The following KIF21A variants were observed in gnomAD, a reference collection of about 807,000 sequenced individuals.
KIF21A encodes kinesin family member 21A.
In KIF21A, 114 loss-of-function variants were observed where a neutral mutation model predicts 202.9. The observed-to-expected ratio is 0.56, with a 90% confidence interval of 0.48 to 0.66. The LOEUF is 0.66. KIF21A is among the 30% of genes least tolerant of loss of function. The probability of loss-of-function intolerance (pLI) is 0.00; values close to 1 mark genes in which losing one functional copy is unlikely to be tolerated. For synonymous variants in KIF21A, 667 were observed against 670.8 expected (o/e 0.99, Z 0.09); for missense variants, 1,677 against 1,994.9 (o/e 0.84, Z 3.04).
At chr12:39,330,303 C>T (rs1417893570) in intron 23 of KIF21A, 41 bp from the exon 24 acceptor site, 28 of 1,577,134 alleles carry the variant, frequency 1.8e-5, no homozygotes, top group African/African-American at 2.7e-5. Flanking sequence ...AAGCAATACT[C>T]CAATCAAAAC....
In KIF21A at chr12:39,307,685, G is replaced by A. The variant is rs772735255; in HGVS notation, c.4322C>T (p.Thr1441Ile). Residue 1441 changes from threonine (T) to isoleucine (I), a missense_variant, in exon 34 of 38, where the codon ACC becomes ATC. By Grantham distance (89) the Thr-to-Ile change is moderately conservative. Coordinates refer to ENST00000361418, the MANE Select transcript of KIF21A (RefSeq NM_001173464.2). The part of the protein sequence containing the change: ...VTLGDACSAS[T>I]SRTVAIPSGE... ...AGAAGGAATAGCTACTGTTCGACTG[G>A]TACTTGCAGAACAAGCATCTCCAAG... 3 of 1,614,050 alleles carry A rather than the reference G, an allele frequency of 1.9e-6. No homozygotes were observed. The South Asian group carries it at 3.3e-5, about 18-fold the overall frequency.
chr12:39,378,709 G>A (rs556193025), intron 1 of KIF21A, among the ~76,000 whole-genome samples: 1 of 152,216 alleles, frequency 6.6e-6, no homozygotes, highest in African/African-American at 2.4e-5. Flanking sequence ...AGTGTGTAAG[G>A]CAAAAAATGT....
chr12:39,338,389 A>G lies in KIF21A; in HGVS notation c.2311-1186T>C, dbSNP rs376660075. On this transcript the variant is annotated intron_variant, in intron 16 of 37. Transcript: ENST00000361418. ...GAGTCAAAAAGTTTTTTAACTTAAA[A>G]TATTTATAAAATAAAAAAAATTACA... is the stretch of plus-strand genomic sequence containing the variant. Among the ~76,000 whole-genome samples, 36 of 152,340 alleles carry G rather than the reference A, an allele frequency of 2.4e-4. No individual in the cohort carries two copies. In the East Asian group the frequency reaches 3.5e-3, roughly 15 times the overall value.
chr12:39,423,082 T>TC (rs1954434768), intron 1 of KIF21A, among the ~76,000 whole-genome samples: 1 of 152,228 alleles, frequency 6.6e-6, no homozygotes, highest in South Asian at 2.1e-4. Flanking sequence ...CAGTTTTGCT[T>TC]CCGGCAAATA....
Position 39,309,681 on chromosome 12 carries a change from T to A in KIF21A, c.4182A>T (p.Lys1394Asn). The change falls in exon 33 of 38, where the codon AAA becomes AAT. Residue 1394 changes from lysine to asparagine, a missense_variant. Lys to Asn is a moderately conservative substitution (Grantham distance 94). This residue lies in a region of KIF21A where 705 missense variants were observed against 791.9 expected (regional missense o/e 0.89). Transcript: ENST00000361418. ...AGACCAAACTGGTATAATTACAGTA[T>A]TTTACAGACACGACATTGTTGGGAT... is the stretch of plus-strand genomic sequence containing the variant. ...GGHPNNVVSV[K>N]YCNYTSLVFT... 6.2e-7 allele frequency: 1 copy of A among 1,613,478 alleles called. No individual in the cohort carries two copies. The highest frequency in any genetic ancestry group is 8.5e-7 in the Non-Finnish European group (1 of 1,179,648).
rs1555169492 is a variant in KIF21A, at chr12:39,346,815, C to CA, written c.1674-312_1674-311insT. Among the ~76,000 whole-genome samples, 3 of 151,316 alleles carry CA rather than the reference C, an allele frequency of 2.0e-5. No individual in the cohort carries two copies. In the East Asian group the frequency reaches 5.8e-4, roughly 29 times the overall value. On this transcript the variant is annotated intron_variant, in intron 11 of 37. Transcript: ENST00000361418. ...ATAAGGATTAGGCATGCTTGGATGC[C>CA]TTTTTTTTAGTCTGAAGTGGGTCAA...
chr12:39,416,815 G>A (rs11172081), intron 1 of KIF21A, among the ~76,000 whole-genome samples: 16,200 of 93,436 alleles, frequency 0.17, 3,455 homozygotes, highest in African/African-American at 0.49. Flanking sequence ...ATATATGTGT[G>A]TATATATGTA....
At chr12:39,430,355 C>T (rs2140341579) in intron 1 of KIF21A, among the ~76,000 whole-genome samples, 1 of 152,060 alleles carries the variant, frequency 6.6e-6, no homozygotes, top group African/African-American at 2.4e-5. Flanking sequence ...CACCTGAGGT[C>T]AAGAGTTCAA....
chr12:39,408,601 T>C (rs562358838), intron 1 of KIF21A, among the ~76,000 whole-genome samples: 2 of 152,174 alleles, frequency 1.3e-5, no homozygotes, highest in Non-Finnish European at 2.9e-5. Flanking sequence ...CAGGAACTCA[T>C]TGAATAGGTT....
At chr12:39,300,336 C>T (rs1942851435) in intron 37 of KIF21A, among the ~76,000 whole-genome samples, 1 of 151,996 alleles carries the variant, frequency 6.6e-6, no homozygotes, top group South Asian at 2.1e-4. Context: ...AGTAATGCAT[C>T]TTGGAAATAG....
At chr12:39,381,027 C>T (rs561692914) in intron 1 of KIF21A, among the ~76,000 whole-genome samples, 3 of 151,990 alleles carry the variant, frequency 2.0e-5, no homozygotes, top group South Asian at 2.1e-4. Context: ...ATTTCATGGC[C>T]GGGCATGGTG....
chr12:39,332,884 T>A lies in KIF21A; in HGVS notation c.2702+9A>T, dbSNP rs896583369. On this transcript the variant is annotated intron_variant, in intron 19 of 37. Transcript: ENST00000361418. ...AAGATTACATCAGCAGGAACAGAAT[T>A]ATGTAGACCTGTTTCCATTTGTTGC... The A allele has an allele frequency of 6.2e-7, 1 of 1,612,640 alleles. No individual in the cohort carries two copies. The highest frequency in any genetic ancestry group is 1.3e-5 in the African/African-American group (1 of 74,878).
intron 1 of KIF21A, among the ~76,000 whole-genome samples, chr12:39,374,660 T>TA (rs550136502): frequency 2.6e-3 from 391 of 151,952 alleles, no homozygotes; most frequent in African/African-American, 9.0e-3. Context: ...CTACACTAGG[T>TA]AAAAAAAAGA....
At chr12:39,398,532 T>C (rs113199185) in intron 1 of KIF21A, among the ~76,000 whole-genome samples, 1 of 151,814 alleles carries the variant, frequency 6.6e-6, no homozygotes, top group African/African-American at 2.4e-5. Context: ...GGCTAGGAGA[T>C]CAAAAAGGAG....
chr12:39,401,194 C>T (rs1952149236), intron 1 of KIF21A, among the ~76,000 whole-genome samples: 1 of 151,764 alleles, frequency 6.6e-6, no homozygotes, highest in African/African-American at 2.4e-5. Context: ...CTCTAGGAAC[C>T]AAAAGGAAAT....
rs372043568 is a variant in KIF21A at position 39,302,619 on chromosome 12, C to T, written c.4731+346G>A. Among the ~76,000 whole-genome samples, 11 of 152,146 alleles carry T rather than the reference C, an allele frequency of 7.2e-5. No homozygotes were observed. The East Asian group carries it at 2.1e-3, about 29-fold the overall frequency. ...CTTGACTTTAGCTAAACTTGGAACTCTTTGGAATAGGTGTACATAAACAAA... is the reference window on the plus strand; with the variant it reads ...CTTGACTTTAGCTAAACTTGGAACTTTTTGGAATAGGTGTACATAAACAAA... On this transcript the variant is annotated intron_variant, in intron 36 of 37. Transcript: ENST00000361418.
chr12:39,387,437 A>ATTTTCTCCTCCCCAAAGACAGTGG (rs1566096973), intron 1 of KIF21A, among the ~76,000 whole-genome samples: 2 of 152,002 alleles, frequency 1.3e-5, no homozygotes, highest in African/African-American at 4.8e-5. Context: ...AAAGACAGTG[A>ATTTTCTCCTCCCCAAAGACAGTGG]GGCAAGCTTG....
Position 39,319,996 on chromosome 12 carries a change from A to G in KIF21A, c.3689T>C (p.Leu1230Pro), listed in dbSNP as rs2137660591. 6.3e-7 allele frequency: 1 copy of G among 1,597,992 alleles called. No homozygotes were observed. The change falls in exon 28 of 38, where the codon CTA becomes CCA. Residue 1230 changes from leucine to proline, a missense_variant. Leu to Pro is a moderately conservative substitution (Grantham distance 98, BLOSUM62 -3). Around this residue, in one of 3 missense-constraint regions of KIF21A, gnomAD observed 705 missense variants for 791.9 expected, o/e 0.89. Coordinates refer to ENST00000361418, the MANE Select transcript of KIF21A (RefSeq NM_001173464.2). ...AGGCTCTGGAATTTTTTTTTCTGAT[A>G]GAGATGACTGCCTGGAACTAAAGTA... ...KIGSISRQSS[L>P]SEKKIPEPSP...
At chr12:39,395,838 G>A (rs1951703345) in intron 1 of KIF21A, among the ~76,000 whole-genome samples, 1 of 121,096 alleles carries the variant, frequency 8.3e-6, no homozygotes, top group African/African-American at 3.4e-5. Flanking sequence ...GCGAGACTCC[G>A]TCTCAAAAAA....
Sources: allele counts gnomAD v4.1 joint callset (sites outside exome capture counted in the v4.1 genomes callset), GRCh38; gene constraint gnomAD v4.1.1; regional missense constraint gnomAD v4.1.1; transcripts MANE v1.5; gene names NCBI Gene and HGNC (gene_info 2026-07-23, HGNC 2026-07-21).